Variants in DYNC2H1 observed in about 807,000 individuals in gnomAD.
DYNC2H1 encodes dynein cytoplasmic 2 heavy chain 1.
A neutral mutation model predicts 570.0 loss-of-function variants in DYNC2H1; 410 were observed. The ratio of observed to expected loss-of-function variants is 0.72; its 90% CI spans 0.66 to 0.78. The LOEUF (loss-of-function observed/expected upper bound fraction) is 0.78. Among genes scored for constraint, DYNC2H1 ranks in the 30% least tolerant of loss-of-function variants. The pLI is 0.00. For missense variants in DYNC2H1, 4,865 were observed against 5,046.4 expected (o/e 0.96, Z 1.09); for synonymous variants, 1,688 against 1,677.6 (o/e 1.01, Z -0.15).
At chr11:103,301,843 C>T (rs559306897) in intron 75 of DYNC2H1, among the ~76,000 whole-genome samples, 9 of 152,038 alleles carry the variant, frequency 5.9e-5, no homozygotes, top group African/African-American at 2.2e-4. Context: ...ATGTCCATAT[C>T]TGAGGTGCAG....
intron 83 of DYNC2H1, among the ~76,000 whole-genome samples, chr11:103,384,348 G>C (rs1941790472): frequency 6.6e-6 from 1 of 151,908 alleles, no homozygotes. Context: ...TTTTTTGCTA[G>C]ATATATCCTA....
intron 82 of DYNC2H1, among the ~76,000 whole-genome samples, chr11:103,338,115 A>G (rs1565507202): frequency 6.6e-6 from 1 of 152,158 alleles, no homozygotes; most frequent in African/African-American, 2.4e-5. Flanking sequence ...TCCCAGCACC[A>G]TTTGTAGACG....
At chr11:103,155,654 C>T (rs569375552) in intron 25 of DYNC2H1, among the ~76,000 whole-genome samples, 153 bp downstream of exon 25, 3 of 152,094 alleles carry the variant, frequency 2.0e-5, no homozygotes, top group Admixed American at 6.6e-5. Flanking sequence ...ACATAAAATA[C>T]ATAAAAAATT....
Position 103,185,432 on chromosome 11 carries a change from A to T in DYNC2H1, c.6633+381A>T, listed in dbSNP as rs1329630375. Among the ~76,000 whole-genome samples, 1 of 151,858 alleles carries T rather than the reference A, an allele frequency of 6.6e-6. No homozygotes were observed. Among genetic ancestry groups the T allele is most frequent in the East Asian group, 1.9e-4 (1 of 5,196 alleles). On this transcript the variant is annotated intron_variant, in intron 41 of 88. Coordinates refer to ENST00000375735, the MANE Select transcript of DYNC2H1 (RefSeq NM_001377.3). This position sits in a 1 kb window ranked among gnomAD's most constrained non-coding sequence, Gnocchi z 4.5. ...AGTTTTAGGAATTGGGAATATTAGG[A>T]TGAATTAATTATTAATAAATATTTT...
chr11:103,351,190 T>A (rs1270763705), intron 82 of DYNC2H1, among the ~76,000 whole-genome samples: 1 of 152,144 alleles, frequency 6.6e-6, no homozygotes, highest in Non-Finnish European at 1.5e-5. Context: ...AAAATGTCCT[T>A]ACTCATGTTT....
intron 65 of DYNC2H1, among the ~76,000 whole-genome samples, chr11:103,246,108 A>G (rs755597615): frequency 3.5e-4 from 53 of 152,082 alleles, no homozygotes; most frequent in Non-Finnish European, 7.4e-4. Flanking sequence ...ATGAGAACTC[A>G]AGTAGTGGGG....
chr11:103,227,897 T>C (rs1211026725), intron 59 of DYNC2H1, among the ~76,000 whole-genome samples: 1 of 152,200 alleles, frequency 6.6e-6, no homozygotes, highest in East Asian at 1.9e-4. Flanking sequence ...AGGATTGTGA[T>C]ATTTTCCTGT....
chr11:103,326,625 C>A lies in DYNC2H1; in HGVS notation c.12039+2635C>A, dbSNP rs1938497840. ...GGCAGCACTGGGGGATCTGAAGTGC[C>A]CCTAGGTTACTTGGAAAATACTCAG... On this transcript the variant is annotated intron_variant, in intron 82 of 88. Coordinates refer to ENST00000375735, the MANE Select transcript of DYNC2H1 (RefSeq NM_001377.3). The surrounding 1 kb of genome is among the most constrained non-coding windows in gnomAD (Gnocchi z 6.1). Among the ~76,000 whole-genome samples, 1 of 152,134 alleles carries A rather than the reference C, an allele frequency of 6.6e-6. No individual in the cohort carries two copies. Among genetic ancestry groups the A allele is most frequent in the Non-Finnish European group, 1.5e-5 (1 of 68,014 alleles).
At chr11:103,273,436 G>A (rs950267028) in intron 70 of DYNC2H1, among the ~76,000 whole-genome samples, 2 of 152,056 alleles carry the variant, frequency 1.3e-5, no homozygotes, top group Non-Finnish European at 1.5e-5. Flanking sequence ...TCATCTGCCC[G>A]CCTCTCCCTC....
In DYNC2H1 at chr11:103,363,885, A is replaced by G. The variant is rs575343382; in HGVS notation, c.12156+5526A>G. Reference sequence around the variant, plus strand: ...TGACAGTAGACACTATTTTATTTTCATGGAGCCAAGGACTCACAAAAACTC... The same window carrying G: ...TGACAGTAGACACTATTTTATTTTCGTGGAGCCAAGGACTCACAAAAACTC... On this transcript the variant is annotated intron_variant, in intron 83 of 88. Transcript: ENST00000375735. The surrounding 1 kb of genome is among the most constrained non-coding windows in gnomAD (Gnocchi z 5.6). Among the ~76,000 whole-genome samples the G allele has an allele frequency of 2.2e-4, 33 of 152,314 alleles. No individual in the cohort carries two copies. Among genetic ancestry groups the G allele is most frequent in the Non-Finnish European group, 2.8e-4 (19 of 68,010 alleles).
At chr11:103,109,891 C>T in intron 1 of DYNC2H1, 122 bp downstream of exon 1, 1 of 1,009,504 alleles carries the variant, frequency 9.9e-7, no homozygotes, top group Non-Finnish European at 1.4e-6. Flanking sequence ...GAACCCAAGG[C>T]TGTCTCCACT....
intron 82 of DYNC2H1, among the ~76,000 whole-genome samples, chr11:103,357,291 A>G (rs1386866506): frequency 6.6e-6 from 1 of 152,158 alleles, no homozygotes; most frequent in African/African-American, 2.4e-5. Flanking sequence ...AACTGATAAT[A>G]AGGACATTAT....
rs1431689702 is a variant in DYNC2H1, at chr11:103,241,533, G to C, written c.9820-2160G>C. On this transcript the variant is annotated intron_variant, in intron 63 of 88. Coordinates refer to ENST00000375735, the MANE Select transcript of DYNC2H1 (RefSeq NM_001377.3). The surrounding 1 kb of genome is among the most constrained non-coding windows in gnomAD (Gnocchi z 5.1). ...TTTCATTTAACTGCATCAGATCATT[G>C]GTTTGAAATCATGGGTAAGAACTTT... 1.3e-6 allele frequency: 2 copies of C among 1,591,520 alleles called. No individual in the cohort carries two copies. Among genetic ancestry groups the C allele is most frequent in the South Asian group, 2.2e-5 (2 of 89,448 alleles).
rs1200351161 is a variant in DYNC2H1 at position 103,261,020 on chromosome 11, T to C, written c.10695+1043T>C. 2.0e-5 allele frequency among the ~76,000 whole-genome samples: 3 copies of C among 152,110 alleles called. No homozygotes were observed. Among genetic ancestry groups the C allele is most frequent in the Non-Finnish European group, 4.4e-5 (3 of 68,030 alleles). Reference sequence around the variant, plus strand: ...CAATTAATTCAGAGAAATAGAATTATTATGGTTCAATTATATAGGCTTCTT... The same window carrying C: ...CAATTAATTCAGAGAAATAGAATTACTATGGTTCAATTATATAGGCTTCTT... On this transcript the variant is annotated intron_variant, in intron 70 of 88. Transcript: ENST00000375735. The surrounding 1 kb of genome is among the most constrained non-coding windows in gnomAD (Gnocchi z 4.8).
chr11:103,140,002 T>C (rs9666960), intron 17 of DYNC2H1, among the ~76,000 whole-genome samples: 175 of 152,294 alleles, frequency 1.1e-3, no homozygotes, highest in African/African-American at 4.0e-3. Flanking sequence ...TCTTTGTTGG[T>C]TTAAAGTCTG....
At position 103,215,799 on chromosome 11, in the gene DYNC2H1, C is replaced by T. The variant is rs745502991; in HGVS notation, c.8773C>T (p.Leu2925Phe). The T allele has an allele frequency of 6.2e-7, 1 of 1,612,478 alleles. No individual in the cohort carries two copies. Among genetic ancestry groups the T allele is most frequent in the South Asian group, 1.1e-5 (1 of 90,830 alleles). Reference sequence around the variant, plus strand: ...AAAAGCTGGAGAACAAAGTGTGTTACTTAAAACGAAGCAAGATGAAGCAGA... The same window carrying T: ...AAAAGCTGGAGAACAAAGTGTGTTATTTAAAACGAAGCAAGATGAAGCAGA... ...NRKAGEQSVL[L>F]KTKQDEADAA... Residue 2925 changes from leucine (L) to phenylalanine (F), a missense_variant, in exon 55 of 89, where the codon CTT becomes TTT. This residue lies in a region of DYNC2H1 where 2,401 missense variants were observed against 2,454.6 expected (regional missense o/e 0.98). Coordinates refer to ENST00000375735, the MANE Select transcript of DYNC2H1 (RefSeq NM_001377.3).
At chr11:103,445,280 A>G (rs1012680857) in intron 85 of DYNC2H1, among the ~76,000 whole-genome samples, 4 of 152,234 alleles carry the variant, frequency 2.6e-5, no homozygotes, top group African/African-American at 9.6e-5. Flanking sequence ...TTCAGCATTT[A>G]GTATATGAAA....
At chr11:103,392,914 G>A (rs976324484) in intron 83 of DYNC2H1, among the ~76,000 whole-genome samples, 8 of 142,078 alleles carry the variant, frequency 5.6e-5, no homozygotes, top group East Asian at 2.0e-4. Flanking sequence ...ATGGAGTTTC[G>A]CTCTTGTCAC....
chr11:103,138,428 G>T (rs1271761120), intron 17 of DYNC2H1, among the ~76,000 whole-genome samples: 3 of 152,192 alleles, frequency 2.0e-5, no homozygotes, highest in African/African-American at 7.2e-5. Context: ...ATGAAGCATT[G>T]TTGAATTTTG....
Sources: allele counts gnomAD v4.1 joint callset (sites outside exome capture counted in the v4.1 genomes callset), GRCh38; gene constraint gnomAD v4.1.1; regional missense constraint gnomAD v4.1.1; non-coding constraint Gnocchi (gnomAD v3.1); transcripts MANE v1.5; gene names NCBI Gene and HGNC (gene_info 2026-07-23, HGNC 2026-07-21).